ABCC4: variants seen among roughly 807,000 people sequenced by gnomAD.
ABCC4 encodes ATP binding cassette subfamily C member 4 (PEL blood group), also known as ATP-binding cassette sub-family C member 4.
ABCC4 carries 102 observed loss-of-function variants against 168.5 expected under a neutral mutation model. The observed-to-expected ratio is 0.61, with a 90% CI of 0.52 to 0.71. The LOEUF (loss-of-function observed/expected upper bound fraction) is 0.71. Ranked by LOEUF, ABCC4 falls within the 30% of genes least tolerant of loss-of-function variation. The pLI is 0.00. For synonymous variants in ABCC4, 617 were observed against 590.7 expected (o/e 1.04, Z -0.65); for missense variants, 1,402 against 1,605.8 (o/e 0.87, Z 2.17).
At chr13:95,226,113 T>C (rs1322454622) in intron 4 of ABCC4, among the ~76,000 whole-genome samples, 1 of 151,254 alleles carries the variant, frequency 6.6e-6, no homozygotes, top group Non-Finnish European at 1.5e-5. Context: ...AGAATTGCCC[T>C]GTTGGAGAAT....
At chr13:95,262,333 C>A (rs1296630030) in intron 1 of ABCC4, among the ~76,000 whole-genome samples, 1 of 152,200 alleles carries the variant, frequency 6.6e-6, no homozygotes, top group Non-Finnish European at 1.5e-5. Context: ...AGAACCAGAA[C>A]AAAGCATGAG....
At chr13:95,186,409 AC>A (rs1298620167) in intron 11 of ABCC4, among the ~76,000 whole-genome samples, 28 of 152,170 alleles carry the variant, frequency 1.8e-4, no homozygotes, top group Admixed American at 1.3e-3. Flanking sequence ...CCTTCTCTCC[AC>A]TTTTGCAAAT....
At chr13:95,190,478 G>C (rs1159753101) in intron 9 of ABCC4, among the ~76,000 whole-genome samples, 1 of 152,178 alleles carries the variant, frequency 6.6e-6, no homozygotes, top group Non-Finnish European at 1.5e-5. Flanking sequence ...GCATGATAGG[G>C]ATAGTTTACC....
intron 19 of ABCC4, among the ~76,000 whole-genome samples, chr13:95,135,294 A>G (rs2139462841): frequency 6.6e-6 from 1 of 152,350 alleles, no homozygotes. Flanking sequence ...AAAATCAGAA[A>G]AAGTTACAGA....
intron 4 of ABCC4, among the ~76,000 whole-genome samples, chr13:95,219,842 T>A (rs2039262244): frequency 6.9e-6 from 1 of 144,164 alleles, no homozygotes. Context: ...TTTTTTATCA[T>A]GTTTTTCTTC....
intron 19 of ABCC4, among the ~76,000 whole-genome samples, chr13:95,139,591 G>A (rs2036251553): frequency 6.6e-6 from 1 of 152,186 alleles, no homozygotes; most frequent in Non-Finnish European, 1.5e-5. Context: ...TGTATATGGT[G>A]CTACTTGGCC....
intron 1 of ABCC4, among the ~76,000 whole-genome samples, chr13:95,273,457 G>C (rs4148426): frequency 0.078 from 11,921 of 152,134 alleles, 632 homozygotes; most frequent in East Asian, 0.16. Flanking sequence ...GCAGACTCAG[G>C]GTGTGCCACC....
intron 4 of ABCC4, among the ~76,000 whole-genome samples, chr13:95,214,889 A>C (rs1416897846): frequency 6.6e-6 from 1 of 151,146 alleles, no homozygotes; most frequent in Admixed American, 6.6e-5. Flanking sequence ...CAATTCAAAA[A>C]AAAAAAAAAA....
intron 1 of ABCC4, among the ~76,000 whole-genome samples, chr13:95,249,132 G>A (rs759107534): frequency 6.6e-6 from 1 of 151,880 alleles, no homozygotes; most frequent in Non-Finnish European, 1.5e-5. Flanking sequence ...GAGGTGGGAG[G>A]ATGGACTGAG....
chr13:95,245,044 T>C (rs2138798584), intron 3 of ABCC4, among the ~76,000 whole-genome samples: 1 of 152,192 alleles, frequency 6.6e-6, no homozygotes, highest in Middle Eastern at 3.4e-3. Context: ...TCAGGAGAAA[T>C]TCACGCTTCT....
chr13:95,049,742 T>C (rs1187684857), intron 27 of ABCC4, among the ~76,000 whole-genome samples: 1 of 152,164 alleles, frequency 6.6e-6, no homozygotes, highest in Non-Finnish European at 1.5e-5. Flanking sequence ...CGAACTTCTT[T>C]TGCATGTCAG....
chr13:95,065,163 A>T (rs2033484782), intron 25 of ABCC4, among the ~76,000 whole-genome samples: 1 of 152,068 alleles, frequency 6.6e-6, no homozygotes, highest in South Asian at 2.1e-4. Flanking sequence ...CAAAACACCC[A>T]TCTCCCAGGT....
At chr13:95,176,363 T>TGCTAGCCTG (rs2037702332) in intron 13 of ABCC4, among the ~76,000 whole-genome samples, 1 of 151,134 alleles carries the variant, frequency 6.6e-6, no homozygotes. Context: ...GGCATGGTGG[T>TGCTAGCCTG]GCTAGCCTGT....
rs374399077 is a variant in ABCC4, at chr13:95,044,479, C to T, written c.3457-41G>A. The T allele has an allele frequency of 3.5e-5, 55 of 1,558,170 alleles. No homozygotes were observed. The East Asian group carries it at 6.4e-4, about 18-fold the overall frequency. ...GAAGAATGACTGCTATCATTCAAGC[C>T]GCTATGGAAGTAGTCAAGCCTCATA... On this transcript the variant is annotated intron_variant, in intron 27 of 30. Transcript: ENST00000645237.
intron 3 of ABCC4, among the ~76,000 whole-genome samples, chr13:95,245,357 T>A (rs985315255): frequency 2.0e-5 from 3 of 152,202 alleles, no homozygotes; most frequent in African/African-American, 7.2e-5. Context: ...CTTAGACACT[T>A]ACAGAGGCTC....
At chr13:95,168,383 A>G (rs1057057868) in intron 14 of ABCC4, among the ~76,000 whole-genome samples, 1 of 152,090 alleles carries the variant, frequency 6.6e-6, no homozygotes, top group Non-Finnish European at 1.5e-5. Flanking sequence ...GCCTTCGATA[A>G]TCCTCTTAAG....
At chr13:95,047,927 T>C (rs931713025) in intron 27 of ABCC4, among the ~76,000 whole-genome samples, 2 of 152,172 alleles carry the variant, frequency 1.3e-5, no homozygotes, top group African/African-American at 2.4e-5. Flanking sequence ...CCTAAGAGGG[T>C]AGGGATTTTA....
chr13:95,288,783 G>A (rs948621485), intron 1 of ABCC4, among the ~76,000 whole-genome samples: 3 of 152,104 alleles, frequency 2.0e-5, no homozygotes. Flanking sequence ...AAAAAGGATG[G>A]GGGATAAATT....
chr13:95,073,490 T>C (rs1389509768), intron 23 of ABCC4, 186 bp from the exon 24 acceptor site: 1 of 400,872 alleles, frequency 2.5e-6, no homozygotes, highest in Admixed American at 4.2e-5. Flanking sequence ...ACACTGTATA[T>C]TTAGAAAAAT....
Sources: gnomAD v4.1 joint callset for allele counts (sites outside exome capture counted in the v4.1 genomes callset) on GRCh38, gnomAD v4.1.1 for gene constraint, MANE v1.5 for transcripts, NCBI Gene and HGNC (gene_info 2026-07-23, HGNC 2026-07-21) for gene names.